Variants in SPAG16 observed in about 807,000 individuals in gnomAD.
The protein encoded by SPAG16 is sperm associated antigen 16.
In SPAG16, 86 loss-of-function variants were observed where a neutral mutation model predicts 80.4. The observed-to-expected ratio is 1.07, with a 90% confidence interval of 0.90 to 1.28. The LOEUF (loss-of-function observed/expected upper bound fraction) is 1.28, where lower values mean the gene tolerates loss of function less well. Among genes scored for constraint, SPAG16 ranks in the 50% most tolerant of loss-of-function variants. SPAG16 has a pLI of 0.00. For synonymous variants in SPAG16, 294 were observed against 265.9 expected, an observed-to-expected ratio of 1.11 and a Z score of -1.03; for missense variants, 870 against 765.3, an observed-to-expected ratio of 1.14 and a Z score of -1.61.
chr2:213,943,138 A>C (rs1251608802), intron 12 of SPAG16, among the ~76,000 whole-genome samples: 4 of 152,186 alleles, frequency 2.6e-5, no homozygotes, highest in Non-Finnish European at 5.9e-5. Context: ...TCATTATTTA[A>C]ATCACCCCGT....
intron 14 of SPAG16, among the ~76,000 whole-genome samples, chr2:214,133,654 C>T (rs1353453662): frequency 6.6e-6 from 1 of 151,976 alleles, no homozygotes; most frequent in Non-Finnish European, 1.5e-5. Context: ...GAGACTCCAT[C>T]TCAAAAATAA....
rs140644918 is a variant in SPAG16, at chr2:213,331,087, A to G, written c.537-9076A>G. ...TGAAAATGGACTAATACACCTCTCC[A>G]TCTATCAGGGGTAGAGAGTTTTTCT... On this transcript the variant is annotated intron_variant, in intron 5 of 15. Transcript: ENST00000331683. 6.8e-3 allele frequency among the ~76,000 whole-genome samples: 1,043 copies of G among 152,278 alleles called. 11 individuals are homozygous for G. The highest frequency in any genetic ancestry group is 9.9e-3 in the Non-Finnish European group (675 of 68,018).
At chr2:214,236,200 T>G (rs1348940122) in intron 15 of SPAG16, among the ~76,000 whole-genome samples, 1 of 152,224 alleles carries the variant, frequency 6.6e-6, no homozygotes, top group Non-Finnish European at 1.5e-5. Flanking sequence ...TCAATAATAA[T>G]TACTGCTACA....
intron 10 of SPAG16, among the ~76,000 whole-genome samples, chr2:213,512,477 G>GA (rs2075267132): frequency 6.6e-6 from 1 of 152,042 alleles, no homozygotes; most frequent in Non-Finnish European, 1.5e-5. Flanking sequence ...ATAATTACTG[G>GA]AAAAAATGAT....
chr2:213,644,843 G>C (rs1434278264), intron 10 of SPAG16, among the ~76,000 whole-genome samples: 2 of 152,178 alleles, frequency 1.3e-5, no homozygotes, highest in Non-Finnish European at 2.9e-5. Context: ...AAGGCCTGCT[G>C]TAACTACTTC....
chr2:213,859,867 A>G (rs1444219447), intron 10 of SPAG16, among the ~76,000 whole-genome samples: 1 of 152,230 alleles, frequency 6.6e-6, no homozygotes, highest in Non-Finnish European at 1.5e-5. Flanking sequence ...TTGAGCATAC[A>G]GCAAATAATA....
chr2:214,291,599 C>T (rs1693810798), intron 15 of SPAG16, among the ~76,000 whole-genome samples: 1 of 152,234 alleles, frequency 6.6e-6, no homozygotes, highest in Non-Finnish European at 1.5e-5. Flanking sequence ...GCCACCGCGC[C>T]CGGCCTAGAT....
At chr2:214,106,942 A>G (rs2053415042) in intron 13 of SPAG16, among the ~76,000 whole-genome samples, 1 of 151,760 alleles carries the variant, frequency 6.6e-6, no homozygotes, top group Non-Finnish European at 1.5e-5. Context: ...CTTTGGCTAT[A>G]CTCCCTTACT....
intron 13 of SPAG16, among the ~76,000 whole-genome samples, chr2:214,106,318 A>G (rs1469799460): frequency 1.3e-5 from 2 of 152,104 alleles, no homozygotes; most frequent in Admixed American, 6.6e-5. Flanking sequence ...ATTTATTTCT[A>G]TTTTGAGAAT....
intron 10 of SPAG16, among the ~76,000 whole-genome samples, chr2:213,834,641 G>A (rs921948530): frequency 6.6e-6 from 1 of 152,104 alleles, no homozygotes; most frequent in Admixed American, 6.6e-5. Context: ...TTCCCCTCAG[G>A]AGAGAGGAAT....
chr2:213,408,005 C>G (rs1233038153), intron 9 of SPAG16, among the ~76,000 whole-genome samples: 13 of 108,110 alleles, frequency 1.2e-4, no homozygotes, highest in Admixed American at 1.0e-3. Context: ...CAGAGAGAGA[C>G]AGGAGAGAGG....
intron 9 of SPAG16, among the ~76,000 whole-genome samples, chr2:213,409,375 T>G (rs1004602436): frequency 1.3e-5 from 2 of 152,200 alleles, no homozygotes; most frequent in Non-Finnish European, 2.9e-5. Flanking sequence ...GATTTTTACC[T>G]ACATTAACAG....
chr2:213,786,137 C>T (rs991459778), intron 10 of SPAG16, among the ~76,000 whole-genome samples: 2 of 152,030 alleles, frequency 1.3e-5, no homozygotes, highest in African/African-American at 4.8e-5. Flanking sequence ...CTCTATTTCT[C>T]TGACTTAAAG....
At chr2:213,834,301 A>C (rs1169631925) in intron 10 of SPAG16, among the ~76,000 whole-genome samples, 2 of 152,218 alleles carry the variant, frequency 1.3e-5, no homozygotes, top group Non-Finnish European at 2.9e-5. Flanking sequence ...TTTATTTAGC[A>C]AAGCTCTACA....
intron 9 of SPAG16, among the ~76,000 whole-genome samples, chr2:213,472,034 T>G (rs2073107252): frequency 2.6e-5 from 4 of 152,238 alleles, no homozygotes; most frequent in Admixed American, 2.6e-4. Flanking sequence ...CCTGTGTGTT[T>G]GCTACTTCTT....
intron 12 of SPAG16, among the ~76,000 whole-genome samples, chr2:213,970,872 C>T (rs1334030730): frequency 2.6e-5 from 4 of 152,176 alleles, no homozygotes; most frequent in Non-Finnish European, 5.9e-5. Context: ...ACCTCTTGCT[C>T]ATAACCCTGA....
chr2:213,907,645 G>T (rs562467906), intron 11 of SPAG16, among the ~76,000 whole-genome samples: 1 of 152,070 alleles, frequency 6.6e-6, no homozygotes, highest in South Asian at 2.1e-4. Context: ...TAGATGAATG[G>T]ATAAAGAAAA....
intron 15 of SPAG16, among the ~76,000 whole-genome samples, chr2:214,163,224 T>C (rs1232906277): frequency 6.6e-6 from 1 of 152,080 alleles, no homozygotes; most frequent in East Asian, 1.9e-4. Flanking sequence ...ATAACATCTC[T>C]TTCATGTGAT....
chr2:213,396,100 A>T (rs928409990), intron 9 of SPAG16, among the ~76,000 whole-genome samples: 10 of 152,156 alleles, frequency 6.6e-5, no homozygotes, highest in Non-Finnish European at 1.3e-4. Context: ...AGTTTTTAAC[A>T]TATTTGGATA....
Sources: gnomAD v4.1 joint callset for allele counts (sites outside exome capture counted in the v4.1 genomes callset) on GRCh38, gnomAD v4.1.1 for gene constraint, MANE v1.5 for transcripts, NCBI Gene and HGNC (gene_info 2026-07-23, HGNC 2026-07-21) for gene names.